PDK3: variants seen among roughly 807,000 people sequenced by gnomAD.
PDK3 encodes pyruvate dehydrogenase kinase, isozyme 3.
A neutral mutation model predicts 32.0 loss-of-function variants in PDK3; 12 were observed. The observed-to-expected ratio is 0.37, with a 90% CI of 0.24 to 0.61. The LOEUF is 0.61. PDK3 is among the 20% of genes least tolerant of loss of function. The pLI, the probability that PDK3 is intolerant of heterozygous loss-of-function variation, is 0.65. For synonymous variants in PDK3, 122 were observed against 116.3 expected (o/e 1.05, Z -0.31); for missense variants, 188 against 316.9 (o/e 0.59, Z 3.09).
At chrX:24,488,463 C>T (rs747638639) in intron 1 of PDK3, among the ~76,000 whole-genome samples, 2 of 112,004 alleles carry the variant, frequency 1.8e-5, no homozygotes, top group East Asian at 2.8e-4. Context: ...CTGAGGCAGG[C>T]GGATCATCTG....
intron 1 of PDK3, among the ~76,000 whole-genome samples, chrX:24,486,061 A>G (rs770454519): frequency 2.7e-4 from 30 of 112,081 alleles, no homozygotes; most frequent in Non-Finnish European, 3.9e-4. Context: ...CCATGAGGAT[A>G]CTTTTCTACA....
chrX:24,501,525 G>A (rs1245600599), intron 3 of PDK3, among the ~76,000 whole-genome samples: 1 of 112,547 alleles, frequency 8.9e-6, no homozygotes, highest in Non-Finnish European at 1.9e-5. Flanking sequence ...ACCAGCCTGG[G>A]CAACATGGTG....
intron 1 of PDK3, among the ~76,000 whole-genome samples, chrX:24,480,729 G>C (rs1389165986): frequency 8.9e-6 from 1 of 112,457 alleles, no homozygotes; most frequent in Non-Finnish European, 1.9e-5. Context: ...TCTGGATTTG[G>C]AATGAAATGG....
intron 1 of PDK3, among the ~76,000 whole-genome samples, 181 bp from the exon 2 acceptor site, chrX:24,494,561 T>G (rs1223300220): frequency 1.8e-5 from 2 of 112,449 alleles, no homozygotes; most frequent in African/African-American, 6.5e-5. Flanking sequence ...AATGTTCTTT[T>G]TCTCTGCTAA....
exon 12 of PDK3, among the ~76,000 whole-genome samples, chrX:24,544,734 A>G (rs753433637): frequency 1.9e-4 from 21 of 112,003 alleles, no homozygotes; most frequent in Non-Finnish European, 3.8e-4. Context: ...TGTAGCTTTT[A>G]CTAGTTTCAT....
At chrX:24,469,344 C>T (rs1428704539) in intron 1 of PDK3, among the ~76,000 whole-genome samples, 1 of 111,187 alleles carries the variant, frequency 9.0e-6, no homozygotes, top group Non-Finnish European at 1.9e-5. Context: ...TTCCCCCTCG[C>T]TAGAAGTTTC....
chrX:24,526,553 T>C (rs182625158), intron 7 of PDK3, among the ~76,000 whole-genome samples: 63 of 112,090 alleles, frequency 5.6e-4, no homozygotes, highest in Non-Finnish European at 1.1e-3. Flanking sequence ...TCTTTAGTTA[T>C]GAGATTAGAG....
intron 1 of PDK3, among the ~76,000 whole-genome samples, chrX:24,475,463 C>T (rs1218465700): frequency 9.0e-6 from 1 of 110,646 alleles, no homozygotes; most frequent in Admixed American, 9.7e-5. Flanking sequence ...TTGAGACCAG[C>T]TCGGGCAACA....
intron 1 of PDK3, among the ~76,000 whole-genome samples, chrX:24,490,475 C>T (rs1331293939): frequency 1.8e-5 from 2 of 111,501 alleles, no homozygotes; most frequent in African/African-American, 3.3e-5. Flanking sequence ...ATCAACGCCC[C>T]GCAGGACCAT....
chrX:24,479,218 A>G (rs1342896096), intron 1 of PDK3, among the ~76,000 whole-genome samples: 1 of 112,234 alleles, frequency 8.9e-6, no homozygotes, highest in Non-Finnish European at 1.9e-5. Context: ...TTAAATAGAA[A>G]GCAAAGTGGT....
At chrX:24,539,057 C>T, downstream of PDK3, 5 of 614,621 alleles carry the variant, frequency 8.1e-6, no homozygotes, top group Admixed American at 1.2e-4. Flanking sequence ...TAATGAAATA[C>T]TCTAAAAGTC....
At chrX:24,495,616 G>T (rs1921680510) in intron 2 of PDK3, among the ~76,000 whole-genome samples, 1 of 112,429 alleles carries the variant, frequency 8.9e-6, no homozygotes, top group Admixed American at 9.3e-5. Context: ...GCAAGGTATG[G>T]GGGGACACAT....
At chrX:24,543,358 T>A (rs1042249603) in exon 12 of PDK3, among the ~76,000 whole-genome samples, 1 of 112,220 alleles carries the variant, frequency 8.9e-6, no homozygotes, top group East Asian at 2.8e-4. Flanking sequence ...TCCATTTCAC[T>A]GACTGACTCA....
intron 3 of PDK3, among the ~76,000 whole-genome samples, chrX:24,502,449 A>G (rs1921881156): frequency 8.9e-6 from 1 of 112,018 alleles, no homozygotes; most frequent in African/African-American, 3.2e-5. Flanking sequence ...GTCTTATACC[A>G]TTCTTAATGT....
intron 1 of PDK3, among the ~76,000 whole-genome samples, chrX:24,486,098 G>A (rs756272912): frequency 8.9e-6 from 1 of 112,030 alleles, no homozygotes; most frequent in Admixed American, 9.5e-5. Context: ...CCTCTGTCAG[G>A]AGCAGGAGTC....
At chrX:24,520,014 G>A (rs769317920) in intron 6 of PDK3, among the ~76,000 whole-genome samples, 39 of 111,602 alleles carry the variant, frequency 3.5e-4, no homozygotes, top group Non-Finnish European at 6.0e-4. Flanking sequence ...GTGACATGGC[G>A]AAACCCCATC....
At chrX:24,491,882 A>T (rs1380477816) in intron 1 of PDK3, among the ~76,000 whole-genome samples, 1 of 111,104 alleles carries the variant, frequency 9.0e-6, no homozygotes, top group Non-Finnish European at 1.9e-5. Context: ...GTGGTAGTAA[A>T]CCGTGATTGT....
At chrX:24,497,324 G>A (rs902852630) in intron 2 of PDK3, among the ~76,000 whole-genome samples, 5 of 111,167 alleles carry the variant, frequency 4.5e-5, no homozygotes, top group African/African-American at 1.3e-4. Flanking sequence ...TTGCTCAGTC[G>A]CCCAGGCTGG....
Position 24,493,626 on chromosome X carries a change from C to A in PDK3, c.107-1116C>A, listed in dbSNP as rs192525334. On this transcript the variant is annotated intron_variant, in intron 1 of 10. Coordinates refer to ENST00000379162, the MANE Select transcript of PDK3 (RefSeq NM_005391.5). ...GCAGGGCGAGGGAGATGGGATGGAC[C>A]CCTCAATACCACGGAGACCGGAAGG... Among the ~76,000 whole-genome samples the A allele has an allele frequency of 3.7e-3, 414 of 111,612 alleles. 1 individual carries two copies. Among genetic ancestry groups the A allele is most frequent in the African/African-American group, 0.012 (365 of 30,698 alleles).
Sources: gnomAD v4.1 joint callset for allele counts (sites outside exome capture counted in the v4.1 genomes callset) on GRCh38, gnomAD v4.1.1 for gene constraint, MANE v1.5 for transcripts, NCBI Gene and HGNC (gene_info 2026-07-23, HGNC 2026-07-21) for gene names.